The following PYY variants were observed in gnomAD, a reference collection of about 807,000 sequenced individuals.
PYY encodes peptide YY.
In PYY, 12 loss-of-function variants were observed where a neutral mutation model predicts 10.3. That is an observed-to-expected ratio of 1.17 (90% CI 0.75 to 1.89). The LOEUF is 1.89. Ranked by LOEUF, PYY falls within the 40% of genes most tolerant of loss-of-function variation. The pLI is 0.00. For missense variants in PYY, 141 were observed against 134.0 expected (o/e 1.05, Z -0.26); for synonymous variants, 66 against 62.0 (o/e 1.06, Z -0.30).
rs2048640839 is a variant in PYY, at chr17:43,952,889, G to T, written c.*67C>A. 20 of 1,475,720 alleles carry T rather than the reference G, an allele frequency of 1.4e-5. No homozygotes were observed. The South Asian group carries it at 2.5e-4, about 18-fold the overall frequency. The allele number at this position is 1,475,720 out of a possible 1,614,324, so 91.4% of individuals were successfully genotyped here. ...CGGGAGGCAGAATCCGGGTTTCTGG[G>T]GTCGGGAGTGCGTATGCAAATGACG... On this transcript the variant is annotated 3_prime_UTR_variant, in exon 4 of 4. Coordinates refer to ENST00000692052, the MANE Select transcript of PYY (RefSeq NM_001394028.1).
intron 1 of PYY, among the ~76,000 whole-genome samples, chr17:43,967,437 G>A (rs1490609283): frequency 6.6e-6 from 1 of 152,210 alleles, no homozygotes; most frequent in Admixed American, 6.5e-5. Flanking sequence ...CCACAGAGCT[G>A]TCACATTCAA....
intron 2 of PYY, among the ~76,000 whole-genome samples, chr17:43,961,779 C>A (rs928584762): frequency 6.6e-6 from 1 of 152,002 alleles, no homozygotes. Flanking sequence ...TGACCTCAGC[C>A]TCCCAAAGTG....
chr17:43,991,193 GC>G (rs2048954940), intron 1 of PYY, among the ~76,000 whole-genome samples: 1 of 151,974 alleles, frequency 6.6e-6, no homozygotes, highest in South Asian at 2.1e-4. Flanking sequence ...ACTTTGGGAG[GC>G]TGAGGCAGGT....
chr17:43,975,209 G>A (rs575605321), intron 1 of PYY, among the ~76,000 whole-genome samples: 1 of 152,276 alleles, frequency 6.6e-6, no homozygotes, highest in Non-Finnish European at 1.5e-5. Context: ...TGTTCTTAAT[G>A]GTTTCTGAAC....
intron 1 of PYY, among the ~76,000 whole-genome samples, chr17:43,984,612 G>C (rs1211519507): frequency 1.3e-5 from 2 of 152,138 alleles, no homozygotes; most frequent in African/African-American, 2.4e-5. Context: ...TTTGAAACTG[G>C]GTCTGTCTGA....
chr17:43,996,983 G>A (rs576921508), intron 1 of PYY, among the ~76,000 whole-genome samples: 4 of 151,582 alleles, frequency 2.6e-5, no homozygotes, highest in African/African-American at 4.8e-5. Flanking sequence ...GCCACTGCAC[G>A]TGGCCTAATT....
chr17:43,994,011 G>A (rs1235691577), intron 1 of PYY, among the ~76,000 whole-genome samples: 1 of 151,854 alleles, frequency 6.6e-6, no homozygotes, highest in Non-Finnish European at 1.5e-5. Flanking sequence ...GCGTTACCAG[G>A]CCTGGCTAAT....
At chr17:43,992,763 G>A (rs931071686) in intron 1 of PYY, among the ~76,000 whole-genome samples, 13 of 152,150 alleles carry the variant, frequency 8.5e-5, no homozygotes, top group Non-Finnish European at 1.9e-4. Context: ...GCAGGCGCCT[G>A]TAATCCCATC....
At chr17:43,971,317 C>A (rs1182207791) in intron 1 of PYY, among the ~76,000 whole-genome samples, 1 of 152,134 alleles carries the variant, frequency 6.6e-6, no homozygotes, top group Non-Finnish European at 1.5e-5. Context: ...CACCTGTAAT[C>A]CCAGCACTTT....
intron 1 of PYY, among the ~76,000 whole-genome samples, chr17:43,975,074 T>C (rs1353065817): frequency 6.6e-6 from 1 of 152,170 alleles, no homozygotes; most frequent in East Asian, 1.9e-4. Context: ...ACCCCATGTC[T>C]GCAGGATGTC....
At chr17:43,979,536 G>T (rs1247091807) in intron 1 of PYY, among the ~76,000 whole-genome samples, 1 of 147,868 alleles carries the variant, frequency 6.8e-6, no homozygotes, top group African/African-American at 2.5e-5. Context: ...CTCTAATAAA[G>T]ATGAAAAAAA....
chr17:43,966,231 A>G (rs2048755210), intron 2 of PYY: 1 of 153,160 alleles, frequency 6.5e-6, no homozygotes. Flanking sequence ...TACCATCATT[A>G]GCCTGGTTTT....
chr17:43,991,073 G>A (rs535607243), intron 1 of PYY, among the ~76,000 whole-genome samples: 4 of 150,806 alleles, frequency 2.7e-5, no homozygotes, highest in African/African-American at 9.7e-5. Flanking sequence ...GTGAGCCACC[G>A]CGCCCGGCCT....
intron 1 of PYY, among the ~76,000 whole-genome samples, chr17:43,984,444 C>T (rs867047514): frequency 3.3e-5 from 5 of 152,208 alleles, no homozygotes; most frequent in African/African-American, 1.2e-4. Context: ...TGAACTGGGG[C>T]GCGGGCCTGC....
At chr17:43,981,502 T>G (rs1360172748) in intron 1 of PYY, among the ~76,000 whole-genome samples, 2 of 149,272 alleles carry the variant, frequency 1.3e-5, no homozygotes, top group Admixed American at 6.7e-5. Context: ...TGTTTGTTTG[T>G]TTTTTTTTTG....
intron 2 of PYY, among the ~76,000 whole-genome samples, chr17:43,959,421 A>C (rs959323736): frequency 5.9e-5 from 9 of 152,380 alleles, no homozygotes; most frequent in African/African-American, 1.9e-4. Context: ...GCAGTGGCTC[A>C]TGCCTGTAAT....
At chr17:43,989,603 A>C (rs1567936423) in intron 1 of PYY, among the ~76,000 whole-genome samples, 1 of 151,618 alleles carries the variant, frequency 6.6e-6, no homozygotes, top group East Asian at 1.9e-4. Context: ...TTTTAAATGA[A>C]GGAATCAATA....
In PYY at chr17:43,952,874, A is replaced by G; in HGVS notation, c.*82T>C. ...CCCAGACGCCGCCGTCGGGAGGCAG[A>G]ATCCGGGTTTCTGGGGTCGGGAGTG... On this transcript the variant is annotated 3_prime_UTR_variant, in exon 4 of 4. Coordinates refer to ENST00000692052, the MANE Select transcript of PYY (RefSeq NM_001394028.1). 2 of 1,426,450 alleles carry G rather than the reference A, an allele frequency of 1.4e-6. No homozygotes were observed. The highest frequency in any genetic ancestry group is 1.9e-6 in the Non-Finnish European group (2 of 1,069,998). 88.4% of individuals were successfully genotyped at this position (1,426,450 alleles called of 1,614,324 possible).
chr17:43,952,780 C>A lies in PYY; in HGVS notation c.*176G>T. On this transcript the variant is annotated 3_prime_UTR_variant, in exon 4 of 4. Transcript: ENST00000692052. ...CTTTATTTTGGGACCAGGGAAGGAC[C>A]ACACACAGCCCTCCAGCCCAGGGGG... The A allele has an allele frequency of 1.7e-6, 1 of 605,244 alleles. No individual in the cohort carries two copies. Among genetic ancestry groups the A allele is most frequent in the Non-Finnish European group, 2.8e-6 (1 of 359,150 alleles). The allele number at this position is 605,244 out of a possible 1,614,324, so 37.5% of individuals were successfully genotyped here.
Sources: allele counts gnomAD v4.1 joint callset (sites outside exome capture counted in the v4.1 genomes callset), GRCh38; gene constraint gnomAD v4.1.1; transcripts MANE v1.5; gene names NCBI Gene and HGNC (gene_info 2026-07-23, HGNC 2026-07-21).